Variants in FGD4 observed in about 807,000 individuals in gnomAD.
The protein encoded by FGD4 is FYVE, RhoGEF and PH domain containing 4.
In FGD4, 42 loss-of-function variants were observed where a neutral mutation model predicts 102.0. The ratio of observed to expected loss-of-function variants is 0.41; its 90% confidence interval spans 0.32 to 0.53. The LOEUF (loss-of-function observed/expected upper bound fraction) is 0.53, where lower values mean the gene tolerates loss of function less well. Among genes scored for constraint, FGD4 ranks in the 20% least tolerant of loss-of-function variants. The probability of loss-of-function intolerance (pLI) is 0.21; values close to 1 mark genes in which losing one functional copy is unlikely to be tolerated. For synonymous variants in FGD4, 380 were observed against 375.7 expected (o/e 1.01, Z -0.13); for missense variants, 902 against 1,078.2 (o/e 0.84, Z 2.29).
chr12:32,626,968 C>T (rs1950212575), intron 14 of FGD4, among the ~76,000 whole-genome samples: 1 of 151,858 alleles, frequency 6.6e-6, no homozygotes, highest in Admixed American at 6.6e-5. Flanking sequence ...CTGCCTCAGC[C>T]TGCCTAGCAG....
chr12:32,486,360 T>A (rs1337472875), intron 1 of FGD4, among the ~76,000 whole-genome samples: 2 of 152,232 alleles, frequency 1.3e-5, no homozygotes, highest in African/African-American at 2.4e-5. Context: ...CTTTTTCTTA[T>A]CTTCATGATC....
intron 1 of FGD4, among the ~76,000 whole-genome samples, chr12:32,465,666 TAA>T (rs753666600): frequency 1.7e-4 from 24 of 142,062 alleles, no homozygotes; most frequent in African/African-American, 5.9e-4. Flanking sequence ...GACAACGTCT[TAA>T]AAAAAAAAAA....
Position 32,607,950 on chromosome 12 carries a change from A to G in FGD4, c.1405-7A>G, listed in dbSNP as rs1948890717. The G allele has an allele frequency of 4.3e-6, 7 of 1,614,214 alleles. No homozygotes were observed. The highest frequency in any genetic ancestry group is 5.1e-6 in the Non-Finnish European group (6 of 1,180,034). ...AAATGTTTCTTAGAAAACCTTTCTC[A>G]TTACAGAAACAGAAAATCTGTGGGA... On this transcript the variant is annotated splice_region_variant and splice_polypyrimidine_tract_variant and intron_variant, in intron 7 of 16. Coordinates refer to ENST00000534526, the MANE Select transcript of FGD4 (RefSeq NM_001370298.3).
chr12:32,635,841 C>T (rs1394179441), intron 15 of FGD4, among the ~76,000 whole-genome samples: 3 of 151,762 alleles, frequency 2.0e-5, no homozygotes, highest in Non-Finnish European at 2.9e-5. Context: ...GGTGAAACCC[C>T]GTCTTTACTA....
intron 1 of FGD4, among the ~76,000 whole-genome samples, chr12:32,418,799 G>A (rs1177170840): frequency 6.6e-6 from 1 of 152,182 alleles, no homozygotes; most frequent in African/African-American, 2.4e-5. Context: ...TCCCTCCAGG[G>A]TGGTGAGTTC....
chr12:32,499,160 G>A (rs901827009), intron 1 of FGD4, among the ~76,000 whole-genome samples: 1 of 152,240 alleles, frequency 6.6e-6, no homozygotes, highest in Non-Finnish European at 1.5e-5. Flanking sequence ...CACAATGGCT[G>A]CAACAGCAGA....
chr12:32,588,887 G>T (rs560849164), intron 4 of FGD4, among the ~76,000 whole-genome samples: 4 of 152,220 alleles, frequency 2.6e-5, no homozygotes, highest in African/African-American at 9.6e-5. Flanking sequence ...GAGTGTGAGA[G>T]AAATGGAAAG....
chr12:32,406,101 G>A (rs921061328), intron 1 of FGD4, among the ~76,000 whole-genome samples: 5 of 151,840 alleles, frequency 3.3e-5, no homozygotes, highest in Non-Finnish European at 5.9e-5. Flanking sequence ...GTGCCACCAC[G>A]CCTGGCTAAT....
intron 1 of FGD4, among the ~76,000 whole-genome samples, chr12:32,472,814 A>G (rs899361561): frequency 1.3e-5 from 2 of 152,212 alleles, no homozygotes; most frequent in African/African-American, 2.4e-5. Context: ...AAATACACCA[A>G]TCAGCATCCC....
At chr12:32,609,490 T>G (rs1949005786) in intron 8 of FGD4, among the ~76,000 whole-genome samples, 1 of 152,184 alleles carries the variant, frequency 6.6e-6, no homozygotes, top group Non-Finnish European at 1.5e-5. Context: ...GGATCCTGTA[T>G]CAAGTGCACA....
chr12:32,624,986 A>T lies in FGD4; in HGVS notation c.1964A>T (p.Glu655Val). The part of the protein sequence containing the change: ...DKEEWIKALQ[E>V]TIDAFHQRHE... ...TTACTTATACTTTAGGCCCTTCAAGAAACCATCGATGCTTTTCATCAAAGG... is the reference window on the plus strand; with the variant it reads ...TTACTTATACTTTAGGCCCTTCAAGTAACCATCGATGCTTTTCATCAAAGG... Residue 655 changes from glutamate to valine, a missense_variant, in exon 13 of 17, where the codon GAA becomes GTA. Coordinates refer to ENST00000534526, the MANE Select transcript of FGD4 (RefSeq NM_001370298.3). 6.2e-7 allele frequency: 1 copy of T among 1,613,356 alleles called. No homozygotes were observed. Among genetic ancestry groups the T allele is most frequent in the South Asian group, 1.1e-5 (1 of 91,060 alleles).
In FGD4 at chr12:32,640,638, GC is replaced by G; in HGVS notation, c.*108del. The G allele has an allele frequency of 2.7e-6, 4 of 1,465,404 alleles. No homozygotes were observed. Among genetic ancestry groups the G allele is most frequent in the Non-Finnish European group, 3.8e-6 (4 of 1,061,422 alleles). 90.8% of individuals were successfully genotyped at this position (1,465,404 alleles called of 1,614,324 possible). On this transcript the variant is annotated 3_prime_UTR_variant, in exon 17 of 17. Coordinates refer to ENST00000534526, the MANE Select transcript of FGD4 (RefSeq NM_001370298.3). ...TAGCACTTTATGTTGAAAAATATAG[GC>G]CCATAAATGCATCTTTTGAGGACTA... is the stretch of plus-strand genomic sequence containing the variant.
intron 1 of FGD4, among the ~76,000 whole-genome samples, chr12:32,552,074 C>T (rs1320475121): frequency 6.6e-6 from 1 of 152,178 alleles, no homozygotes; most frequent in Non-Finnish European, 1.5e-5. Flanking sequence ...TAAAGCACAG[C>T]AGTCTGCGAA....
At chr12:32,470,181 A>G (rs1011078390) in intron 1 of FGD4, among the ~76,000 whole-genome samples, 5 of 152,138 alleles carry the variant, frequency 3.3e-5, no homozygotes, top group African/African-American at 1.2e-4. Flanking sequence ...GGGAGTTGCT[A>G]TACCTCTTCC....
chr12:32,629,086 T>C (rs1420911149), intron 14 of FGD4, among the ~76,000 whole-genome samples: 1 of 152,204 alleles, frequency 6.6e-6, no homozygotes. Context: ...GAGTAAGCAC[T>C]GTAAGACAGG....
At chr12:32,598,281 A>C (rs1452992112) in intron 4 of FGD4, among the ~76,000 whole-genome samples, 1 of 152,222 alleles carries the variant, frequency 6.6e-6, no homozygotes, top group Non-Finnish European at 1.5e-5. Context: ...TAACTGCTGC[A>C]GAGGTCAAAG....
chr12:32,625,666 G>A lies in FGD4; in HGVS notation c.2059G>A (p.Gly687Arg). 6.2e-7 allele frequency: 1 copy of A among 1,613,920 alleles called. No homozygotes were observed. The highest frequency in any genetic ancestry group is 8.5e-7 in the Non-Finnish European group (1 of 1,179,970). ...CTTCCCTTTTTAGACTGCTGAGCTA[G>A]GGAAAAGAGCCCCAAGATGGATCCG... Reference protein sequence around the residue: ...IHSEVSTAELGKRAPRWIRDN... With the variant: ...IHSEVSTAELRKRAPRWIRDN... Residue 687 changes from glycine (G) to arginine (R), a missense_variant, in exon 14 of 17, where the codon GGG (glycine) becomes AGG (arginine). This residue lies in a region of FGD4 where 459 missense variants were observed against 619.0 expected (regional missense o/e 0.74). Coordinates refer to ENST00000534526, the MANE Select transcript of FGD4 (RefSeq NM_001370298.3).
At chr12:32,473,013 A>G (rs11052017) in intron 1 of FGD4, among the ~76,000 whole-genome samples, 52,103 of 147,576 alleles carry the variant, frequency 0.35, 9,121 homozygotes, top group South Asian at 0.48. Flanking sequence ...AAATGCACCA[A>G]TCGACACTCT....
chr12:32,616,228 C>T (rs1029157972), intron 10 of FGD4, among the ~76,000 whole-genome samples: 62 of 152,246 alleles, frequency 4.1e-4, no homozygotes, highest in African/African-American at 1.3e-3. Context: ...ATTTTCACTT[C>T]TGGGAGTTGT....
Sources: allele counts gnomAD v4.1 joint callset (sites outside exome capture counted in the v4.1 genomes callset), GRCh38; gene constraint gnomAD v4.1.1; regional missense constraint gnomAD v4.1.1; transcripts MANE v1.5; gene names NCBI Gene and HGNC (gene_info 2026-07-23, HGNC 2026-07-21).